C12orf60: variants seen among roughly 807,000 people sequenced by gnomAD.
The protein encoded by C12orf60 is chromosome 12 open reading frame 60.
For missense variants in C12orf60, 284 were observed against 283.2 expected (o/e 1.00, Z -0.02); for synonymous variants, 102 against 94.6 (o/e 1.08, Z -0.45).
At chr12:14,818,669 A>G (rs1470729038) in intron 1 of C12orf60, among the ~76,000 whole-genome samples, 1 of 152,012 alleles carries the variant, frequency 6.6e-6, no homozygotes. Context: ...ACTCCCAGCT[A>G]CTTGGGAGGC....
At chr12:14,807,293 T>C (rs564903070) in intron 1 of C12orf60, among the ~76,000 whole-genome samples, 1 of 152,198 alleles carries the variant, frequency 6.6e-6, no homozygotes, top group Non-Finnish European at 1.5e-5. Flanking sequence ...TTAATAAGCG[T>C]GATTATTTCT....
chr12:14,823,474 C>A lies in C12orf60; in HGVS notation c.539C>A (p.Ser180Tyr), dbSNP rs777000037. The change falls in exon 2 of 2, where the codon TCC becomes TAC. Residue 180 changes from serine (S) to tyrosine (Y), a missense_variant. Ser to Tyr is a moderately radical substitution (Grantham distance 144). Transcript: ENST00000330828. ...SERTRSPPGS[S>Y]KTTMIDTLKK... Reference sequence around the variant, plus strand: ...AGAACCAGAAGTCCTCCAGGTTCTTCCAAAACCACTATGATAGACACCTTG... The same window carrying A: ...AGAACCAGAAGTCCTCCAGGTTCTTACAAAACCACTATGATAGACACCTTG... 3.7e-6 allele frequency: 6 copies of A among 1,606,820 alleles called. No individual in the cohort carries two copies. The highest frequency in any genetic ancestry group is 5.1e-6 in the Non-Finnish European group (6 of 1,178,190).
At chr12:14,817,192 A>ATATT (rs1950234781) in intron 1 of C12orf60, among the ~76,000 whole-genome samples, 1 of 152,070 alleles carries the variant, frequency 6.6e-6, no homozygotes, top group Non-Finnish European at 1.5e-5. Context: ...TTATGGTTTT[A>ATATT]TATTTTTCAT....
rs753356358 is a variant in C12orf60 at position 14,806,414 on chromosome 12, A to T, written c.-25+2663A>T. 5 of 1,614,132 alleles carry T rather than the reference A, an allele frequency of 3.1e-6. No homozygotes were observed. In the South Asian group the frequency reaches 5.5e-5, roughly 18 times the overall value. ...TTCTATAGAGGGTTGGCTCTAGCTT[A>T]TCTTTTAGTGCTTCATCAACCTTCT... On this transcript the variant is annotated intron_variant, in intron 1 of 1. Transcript: ENST00000330828.
chr12:14,806,813 AG>A (rs1265343098), intron 1 of C12orf60: 3 of 944,398 alleles, frequency 3.2e-6, no homozygotes, highest in Non-Finnish European at 4.7e-6. Context: ...ATGCTGTCTA[AG>A]GATAATTCCT....
At chr12:14,810,185 T>G (rs1950115126) in intron 1 of C12orf60, among the ~76,000 whole-genome samples, 1 of 152,180 alleles carries the variant, frequency 6.6e-6, no homozygotes, top group South Asian at 2.1e-4. Context: ...TGGGGAGGGT[T>G]TTCTTGTGCT....
At chr12:14,804,931 T>G (rs184272422) in intron 1 of C12orf60, 163 of 152,338 alleles carry the variant, frequency 1.1e-3, no homozygotes, top group African/African-American at 3.6e-3. Context: ...TATTAATAAT[T>G]TTGTCAGTAT....
At chr12:14,821,541 C>A (rs1051208316) in intron 1 of C12orf60, among the ~76,000 whole-genome samples, 1 of 152,192 alleles carries the variant, frequency 6.6e-6, no homozygotes, top group African/African-American at 2.4e-5. Flanking sequence ...ACATTTCACA[C>A]AATCTACTTA....
intron 1 of C12orf60, chr12:14,806,351 A>C (rs1423875050): frequency 1.2e-6 from 2 of 1,614,076 alleles, no homozygotes; most frequent in East Asian, 4.5e-5. Flanking sequence ...GCACTATTGC[A>C]ATTTTGTCTG....
rs1171235243 is a variant in C12orf60 at position 14,824,377 on chromosome 12, T to C, written c.*704T>C. 1 of 152,238 alleles carries C rather than the reference T, an allele frequency of 6.6e-6. No individual in the cohort carries two copies. Among genetic ancestry groups the C allele is most frequent in the African/African-American group, 2.4e-5 (1 of 41,470 alleles). 9.4% of individuals were successfully genotyped at this position (152,238 alleles called of 1,614,324 possible). A position where few individuals can be genotyped will look rare whatever the true frequency, so the allele number is the denominator to read the frequency against. The stretch of plus-strand genomic sequence containing the variant: ...CAGAAGTAGGATATCTGAGATGTGC[T>C]TTATTTAAAGAAATGAGATAGGGCA... On this transcript the variant is annotated 3_prime_UTR_variant, in exon 2 of 2. Coordinates refer to ENST00000330828, the MANE Select transcript of C12orf60 (RefSeq NM_175874.4).
At position 14,823,201 on chromosome 12, in the gene C12orf60, A is replaced by C; in HGVS notation, c.266A>C (p.Lys89Thr). The change falls in exon 2 of 2, where the codon AAG (lysine) becomes ACG (threonine). Residue 89 changes from lysine to threonine, a missense_variant. Transcript: ENST00000330828. Reference protein sequence around the residue: ...DKIQKESLCSKVAMAMCSVVQ... With the variant: ...DKIQKESLCSTVAMAMCSVVQ... ...ATTCAAAAGGAGTCTTTATGTTCCA[A>C]GGTTGCAATGGCCATGTGCTCTGTG... The C allele has an allele frequency of 6.2e-7, 1 of 1,614,172 alleles. No individual in the cohort carries two copies.
At chr12:14,816,175 G>T (rs1340099859) in intron 1 of C12orf60, among the ~76,000 whole-genome samples, 1 of 93,302 alleles carries the variant, frequency 1.1e-5, no homozygotes, top group Admixed American at 1.1e-4. Flanking sequence ...TGGTTTTAGG[G>T]AATCAGGAAG....
At chr12:14,811,912 G>C (rs577186821) in intron 1 of C12orf60, among the ~76,000 whole-genome samples, 195 of 152,234 alleles carry the variant, frequency 1.3e-3, no homozygotes, top group African/African-American at 4.4e-3. Context: ...GTACATTATG[G>C]AGAAATTAAA....
chr12:14,808,677 A>C (rs368004592), intron 1 of C12orf60, among the ~76,000 whole-genome samples: 4 of 152,356 alleles, frequency 2.6e-5, no homozygotes, highest in African/African-American at 9.6e-5. Flanking sequence ...GAACATAAAT[A>C]ACCATGTATG....
Position 14,806,148 on chromosome 12 carries a change from G to A in C12orf60, c.-25+2397G>A, listed in dbSNP as rs755400649. 5.6e-6 allele frequency: 9 copies of A among 1,613,876 alleles called. No individual in the cohort carries two copies. The African/African-American group carries it at 6.7e-5, about 12-fold the overall frequency. On this transcript the variant is annotated intron_variant, in intron 1 of 1. Transcript: ENST00000330828. ...TGTTTTTTCCACTGCTCCCAGGATG[G>A]CACGGACAATCATATCTATGCCAAG...
rs1176228592 is a variant in C12orf60 at position 14,823,526 on chromosome 12, T to C, written c.591T>C (p.Thr197=). 1 of 1,613,804 alleles carries C rather than the reference T, an allele frequency of 6.2e-7. No individual in the cohort carries two copies. The highest frequency in any genetic ancestry group is 8.5e-7 in the Non-Finnish European group (1 of 1,179,936). The change falls in exon 2 of 2, where the codon ACT becomes ACC. Residue 197 remains threonine, a synonymous_variant. Transcript: ENST00000330828. ...AAAAACTGCAGGATGTACTAAAAAC[T>C]GAGGATTCCAAAAATCCCACAAAGT... ...TLKKLQDVLK[T]EDSKNPTKSA...
chr12:14,805,005 C>T (rs1352224953), intron 1 of C12orf60: 1 of 152,220 alleles, frequency 6.6e-6, no homozygotes, highest in African/African-American at 2.4e-5. Context: ...AACACATCTG[C>T]AGAGATTCAG....
intron 1 of C12orf60, among the ~76,000 whole-genome samples, chr12:14,812,327 C>G (rs1950153315): frequency 6.6e-6 from 1 of 152,150 alleles, no homozygotes; most frequent in South Asian, 2.1e-4. Flanking sequence ...GCCTGTAGTC[C>G]CAGCTACTTG....
chr12:14,823,854 A>G lies in C12orf60; in HGVS notation c.*181A>G, dbSNP rs1319927774. ...TTATTAAAATAAAAAGAAATAATTA[A>G]GAAAGCCTGTTTGAAATGTCAGTCA... On this transcript the variant is annotated 3_prime_UTR_variant, in exon 2 of 2. Coordinates refer to ENST00000330828, the MANE Select transcript of C12orf60 (RefSeq NM_175874.4). The G allele has an allele frequency of 2.1e-6, 1 of 477,644 alleles. No homozygotes were observed. Among genetic ancestry groups the G allele is most frequent in the Non-Finnish European group, 3.6e-6 (1 of 279,558 alleles). 29.6% of individuals were successfully genotyped at this position (477,644 alleles called of 1,614,324 possible).
Sources: allele counts gnomAD v4.1 joint callset (sites outside exome capture counted in the v4.1 genomes callset), GRCh38; gene constraint gnomAD v4.1.1; transcripts MANE v1.5; gene names NCBI Gene and HGNC (gene_info 2026-07-23, HGNC 2026-07-21).